Variants in DEPDC1 observed in about 807,000 individuals in gnomAD.
The protein encoded by DEPDC1 is DEP domain-containing protein 1A.
DEPDC1 carries 66 observed loss-of-function variants against 86.8 expected under a neutral mutation model. The observed-to-expected ratio is 0.76, with a 90% CI of 0.62 to 0.93. The LOEUF is 0.93. Ranked by LOEUF, DEPDC1 falls within the 40% of genes least tolerant of loss-of-function variation. The pLI is 0.00. For synonymous variants in DEPDC1, 255 were observed against 314.9 expected (o/e 0.81, Z 2.02); for missense variants, 792 against 935.7 (o/e 0.85, Z 2.00).
intron 2 of DEPDC1, among the ~76,000 whole-genome samples, chr1:68,494,183 A>G (rs1463400018): frequency 6.6e-6 from 1 of 152,230 alleles, no homozygotes; most frequent in African/African-American, 2.4e-5. Flanking sequence ...AAGTGATAAT[A>G]CATCAGTATT....
At chr1:68,480,256 A>ACACACT (rs1336888540) in intron 9 of DEPDC1, among the ~76,000 whole-genome samples, 1 of 36,096 alleles carries the variant, frequency 2.8e-5, no homozygotes, top group African/African-American at 1.1e-4. Context: ...ACTGTACCAC[A>ACACACT]CACACACACA....
In DEPDC1 at chr1:68,494,633, A is replaced by G. The variant is rs1395687927; in HGVS notation, c.111T>C (p.Phe37=). ...CTGTGAAACAATTGCCATATTTTTT[A>G]AAGTGTTGTCTGTGTTTTCTTAGAG... The part of the protein sequence containing the change: ...GMPLRKHRQH[F]KKYGNCFTAG... The change falls in exon 2 of 12, where the codon TTT becomes TTC. Residue 37 remains phenylalanine, a synonymous_variant. Coordinates refer to ENST00000456315, the MANE Select transcript of DEPDC1 (RefSeq NM_001114120.3). 1 of 1,613,720 alleles carries G rather than the reference A, an allele frequency of 6.2e-7. No individual in the cohort carries two copies.
chr1:68,474,180 A>G lies in DEPDC1; in HGVS notation c.*2752T>C, dbSNP rs1272552669. 6.6e-6 allele frequency: 1 copy of G among 152,162 alleles called. No individual in the cohort carries two copies. Among genetic ancestry groups the G allele is most frequent in the Non-Finnish European group, 1.5e-5 (1 of 68,020 alleles). 9.4% of individuals were successfully genotyped at this position (152,162 alleles called of 1,614,324 possible). On this transcript the variant is annotated 3_prime_UTR_variant, in exon 12 of 12. Coordinates refer to ENST00000456315, the MANE Select transcript of DEPDC1 (RefSeq NM_001114120.3). Reference sequence around the variant, plus strand: ...ATAGCAAAAGAGTTTTAATCAGTAGAGATCTTAAACTCAATACAAGGCAAG... The same window carrying G: ...ATAGCAAAAGAGTTTTAATCAGTAGGGATCTTAAACTCAATACAAGGCAAG...
intron 6 of DEPDC1, among the ~76,000 whole-genome samples, chr1:68,486,530 C>A (rs112681535): frequency 0.011 from 1,633 of 151,246 alleles, 31 homozygotes; most frequent in African/African-American, 0.038. Flanking sequence ...CTTTTTTTTT[C>A]ATAACATAAA....
chr1:68,485,520 G>C (rs1646187601), intron 6 of DEPDC1, among the ~76,000 whole-genome samples: 1 of 152,004 alleles, frequency 6.6e-6, no homozygotes, highest in African/African-American at 2.4e-5. Context: ...TAAATACATT[G>C]TTGCTAATTT....
intron 10 of DEPDC1, 54 bp downstream of exon 10, chr1:68,479,090 G>A (rs1240441131): frequency 2.0e-6 from 3 of 1,466,892 alleles, no homozygotes; most frequent in Non-Finnish European, 2.8e-6. Flanking sequence ...TTTGAGATGA[G>A]TTTGCCACTT....
intron 2 of DEPDC1, among the ~76,000 whole-genome samples, chr1:68,490,946 A>G (rs1646225380): frequency 6.6e-6 from 1 of 152,210 alleles, no homozygotes; most frequent in Admixed American, 6.5e-5. Context: ...ATGATTTCCT[A>G]TTTAACAAAT....
At position 68,474,343 on chromosome 1, in the gene DEPDC1, G is replaced by A. The variant is rs1378201506; in HGVS notation, c.*2589C>T. 6.6e-6 allele frequency: 1 copy of A among 152,062 alleles called. No individual in the cohort carries two copies. Among genetic ancestry groups the A allele is most frequent in the African/African-American group, 2.4e-5 (1 of 41,426 alleles). 9.4% of individuals were successfully genotyped at this position (152,062 alleles called of 1,614,324 possible). A position where few individuals can be genotyped will look rare whatever the true frequency, so the allele number is the denominator to read the frequency against. ...ACAGATGAGAAGATTCAGAGTTTAA[G>A]CTTCCCAAGGACAGAAAGGTAAGTC... On this transcript the variant is annotated 3_prime_UTR_variant, in exon 12 of 12. Coordinates refer to ENST00000456315, the MANE Select transcript of DEPDC1 (RefSeq NM_001114120.3).
chr1:68,477,103 A>C, intron 11 of DEPDC1, 34 bp from the exon 12 acceptor site: 1 of 1,548,978 alleles, frequency 6.5e-7, no homozygotes. Flanking sequence ...GAAGGTATTT[A>C]ACATTATTTC....
Position 68,482,457 on chromosome 1 carries a change from G to A in DEPDC1, c.1351C>T (p.Gln451Ter). ...GACTCTAAAAACAGTTTATTATTTT[G>A]TCCTTCTATGTTCGGAAAAGATTGA... ...FHQSFPNIEG[Q>*]NNKLFLESKP... The change falls in exon 8 of 12, where the codon CAA (glutamine) becomes TAA (stop). Residue 451 changes from glutamine (Q) to a stop codon, truncating the protein, a stop_gained. Coordinates refer to ENST00000456315, the MANE Select transcript of DEPDC1 (RefSeq NM_001114120.3). LOFTEE classifies it high-confidence loss of function. The A allele has an allele frequency of 6.2e-7, 1 of 1,612,856 alleles. No homozygotes were observed. Among genetic ancestry groups the A allele is most frequent in the South Asian group, 1.1e-5 (1 of 91,064 alleles).
At chr1:68,487,702 A>G (rs1646201698) in intron 5 of DEPDC1, among the ~76,000 whole-genome samples, 1 of 151,982 alleles carries the variant, frequency 6.6e-6, no homozygotes. Flanking sequence ...CCAAAGTAGC[A>G]TATGTCAGTT....
chr1:68,479,106 T>A, intron 10 of DEPDC1, 38 bp downstream of exon 10: 1 of 1,536,082 alleles, frequency 6.5e-7, no homozygotes, highest in Non-Finnish European at 8.8e-7. Context: ...CACTTGCAAC[T>A]GACTATTGCA....
Position 68,494,478 on chromosome 1 carries a change from T to C in DEPDC1, c.266A>G (p.Lys89Arg). 2 of 1,613,758 alleles carry C rather than the reference T, an allele frequency of 1.2e-6. No homozygotes were observed. The highest frequency in any genetic ancestry group is 1.7e-6 in the Non-Finnish European group (2 of 1,179,764). The stretch of plus-strand genomic sequence containing the variant: ...AACATTTTCTGATCCCCACCTCCCT[T>C]TGATATCTTCAATTACATGATTCTT... ...FLKNHVIEDI[K>R]GRWGSENVDD... The change falls in exon 2 of 12, where the codon AAA becomes AGA. Residue 89 changes from lysine to arginine, a missense_variant. By Grantham distance (26) the Lys-to-Arg change is conservative. Coordinates refer to ENST00000456315, the MANE Select transcript of DEPDC1 (RefSeq NM_001114120.3).
intron 6 of DEPDC1, among the ~76,000 whole-genome samples, chr1:68,484,954 A>T (rs190785793): frequency 0.016 from 2,468 of 150,972 alleles, 58 homozygotes; most frequent in African/African-American, 0.05. Flanking sequence ...ATATATATAT[A>T]TTTTTTAAAG....
At chr1:68,490,063 A>G (rs1380187449) in intron 2 of DEPDC1, among the ~76,000 whole-genome samples, 1 of 152,152 alleles carries the variant, frequency 6.6e-6, no homozygotes, top group South Asian at 2.1e-4. Context: ...AACAATACCC[A>G]TGTATGTAAC....
chr1:68,479,094 G>C, intron 10 of DEPDC1, 50 bp downstream of exon 10: 1 of 1,476,976 alleles, frequency 6.8e-7, no homozygotes, highest in Non-Finnish European at 9.2e-7. Context: ...AGATGAGTTT[G>C]CCACTTGCAA....
chr1:68,489,293 G>T (rs1557621685), intron 3 of DEPDC1, among the ~76,000 whole-genome samples, 159 bp downstream of exon 3: 1 of 151,696 alleles, frequency 6.6e-6, no homozygotes, highest in South Asian at 2.1e-4. Flanking sequence ...CTTTCTATGG[G>T]TTACAAACAA....
chr1:68,478,046 G>A (rs1646129655), intron 10 of DEPDC1, 74 bp from the exon 11 acceptor site: 1 of 1,055,310 alleles, frequency 9.5e-7, no homozygotes, highest in Admixed American at 3.0e-5. Flanking sequence ...CTTTTGATGG[G>A]ATCTAGCACC....
intron 4 of DEPDC1, 115 bp from the exon 5 acceptor site, chr1:68,488,619 CTT>C (rs918125655): frequency 5.4e-5 from 49 of 906,288 alleles, no homozygotes; most frequent in Non-Finnish European, 7.5e-5. Flanking sequence ...ATTTCTAAGA[CTT>C]ATATTTAGTA....
Sources: gnomAD v4.1 joint callset for allele counts (sites outside exome capture counted in the v4.1 genomes callset) on GRCh38, gnomAD v4.1.1 for gene constraint, MANE v1.5 for transcripts, NCBI Gene and HGNC (gene_info 2026-07-23, HGNC 2026-07-21) for gene names.